Variants in RAP1B observed in about 807,000 individuals in gnomAD.
RAP1B encodes ras-related protein Rap-1b.
Under a neutral mutation model 27.5 loss-of-function variants are expected in RAP1B, and 1 was observed. The observed-to-expected ratio is 0.04, with a 90% confidence interval of 0.01 to 0.17. The LOEUF is 0.17. Ranked by LOEUF, RAP1B falls within the 10% of genes least tolerant of loss-of-function variation. The probability of loss-of-function intolerance (pLI) is 1.00; values close to 1 mark genes in which losing one functional copy is unlikely to be tolerated. For missense variants in RAP1B, 84 were observed against 214.8 expected (o/e 0.39, Z 3.81); for synonymous variants, 75 against 73.1 (o/e 1.03, Z -0.13).
At position 68,665,458 on chromosome 12, in the gene RAP1B, A is replaced by G. The variant is rs1256977796; in HGVS notation, c.*6209A>G. On this transcript the variant is annotated 3_prime_UTR_variant, in exon 8 of 8. Transcript: ENST00000250559. Reference sequence around the variant, plus strand: ...TCGTAAGAATTACTTGGGGTTAAAAATAGTAATAAAAAGGAAAGCCTGGCC... The same window carrying G: ...TCGTAAGAATTACTTGGGGTTAAAAGTAGTAATAAAAAGGAAAGCCTGGCC... 1 of 152,262 alleles carries G rather than the reference A, an allele frequency of 6.6e-6. No homozygotes were observed. The highest frequency in any genetic ancestry group is 6.5e-5 in the Admixed American group (1 of 15,288). The allele number at this position is 152,262 out of a possible 1,614,324, so 9.4% of individuals were successfully genotyped here. A position where few individuals can be genotyped will look rare whatever the true frequency, so the allele number is the denominator to read the frequency against.
chr12:68,668,068 A>G lies in RAP1B; in HGVS notation c.*8819A>G, dbSNP rs1874925358. The G allele has an allele frequency of 6.6e-6, 1 of 152,206 alleles. No homozygotes were observed. The highest frequency in any genetic ancestry group is 2.1e-4 in the South Asian group (1 of 4,834). The allele number at this position is 152,206 out of a possible 1,614,324, so 9.4% of individuals were successfully genotyped here. A position where few individuals can be genotyped will look rare whatever the true frequency, so the allele number is the denominator to read the frequency against. On this transcript the variant is annotated 3_prime_UTR_variant, in exon 8 of 8. Coordinates refer to ENST00000250559, the MANE Select transcript of RAP1B (RefSeq NM_001010942.3). ...CCCCATCCTTCCACTCTGAACCAGTACAGGATATTCTCATGGTCAGGGCAT... is the reference window on the plus strand; with the variant it reads ...CCCCATCCTTCCACTCTGAACCAGTGCAGGATATTCTCATGGTCAGGGCAT...
intron 1 of RAP1B, among the ~76,000 whole-genome samples, chr12:68,615,838 A>G (rs1870950805): frequency 6.6e-6 from 1 of 152,144 alleles, no homozygotes; most frequent in Non-Finnish European, 1.5e-5. Context: ...TTTAAATTTT[A>G]GCTGAATTCT....
chr12:68,644,714 A>G lies in RAP1B; in HGVS notation c.-26-3985A>G, dbSNP rs148017960. ...TTTTTTTTTTTTTTTTTTGAGATGG[A>G]GTCTTGCTGTGTCGCCCAGGCTGGA... On this transcript the variant is annotated intron_variant, in intron 1 of 7. Coordinates refer to ENST00000250559, the MANE Select transcript of RAP1B (RefSeq NM_001010942.3). Among the ~76,000 whole-genome samples the G allele has an allele frequency of 5.9e-4, 53 of 90,130 alleles. 1 individual carries two copies. The East Asian group carries it at 0.012, about 20-fold the overall frequency. 59.1% of individuals were successfully genotyped at this position (90,130 alleles called of 152,430 possible). A position where few individuals can be genotyped will look rare whatever the true frequency, so the allele number is the denominator to read the frequency against.
chr12:68,650,488 G>A lies in RAP1B; in HGVS notation c.126+20G>A, dbSNP rs1315693877. On this transcript the variant is annotated intron_variant, in intron 3 of 7. Transcript: ENST00000250559. Reference sequence around the variant, plus strand: ...AGAAAGGTATATATTACTTTGGAAGGCCTTTTGCTTTTGATTTTAATATAA... The same window carrying A: ...AGAAAGGTATATATTACTTTGGAAGACCTTTTGCTTTTGATTTTAATATAA... 2.7e-6 allele frequency: 4 copies of A among 1,459,342 alleles called. No homozygotes were observed. The highest frequency in any genetic ancestry group is 3.6e-6 in the Non-Finnish European group (4 of 1,095,950). The allele number at this position is 1,459,342 out of a possible 1,614,324, so 90.4% of individuals were successfully genotyped here. A position where few individuals can be genotyped will look rare whatever the true frequency, so the allele number is the denominator to read the frequency against.
chr12:68,658,638 G>A (rs988223971), intron 7 of RAP1B, among the ~76,000 whole-genome samples: 12 of 152,124 alleles, frequency 7.9e-5, no homozygotes, highest in Admixed American at 5.9e-4. Flanking sequence ...TGTGATTTTA[G>A]TGTAATACCA....
intron 1 of RAP1B, among the ~76,000 whole-genome samples, chr12:68,632,247 C>T (rs1370992273): frequency 6.7e-6 from 1 of 150,364 alleles, no homozygotes; most frequent in African/African-American, 2.5e-5. Context: ...AATTCTTGGG[C>T]CTCAGTCTCC....
chr12:68,626,058 T>A (rs1871751741), intron 1 of RAP1B, among the ~76,000 whole-genome samples: 1 of 152,188 alleles, frequency 6.6e-6, no homozygotes, highest in Non-Finnish European at 1.5e-5. Flanking sequence ...TGGAAGACAC[T>A]AATTCTGTTT....
chr12:68,632,919 TCAAG>T lies in RAP1B; in HGVS notation c.-26-15775_-26-15772del, dbSNP rs1258679167. On this transcript the variant is annotated intron_variant, in intron 1 of 7. Transcript: ENST00000250559. ...TCCTGGCCCCAAGCAGTCCTCCCAC[TCAAG>T]CAAGACTGAAGTAACTGGGACTATA... 2.6e-5 allele frequency among the ~76,000 whole-genome samples: 4 copies of T among 152,266 alleles called. No homozygotes were observed. In the South Asian group the frequency reaches 6.2e-4, roughly 24 times the overall value.
At chr12:68,639,626 G>A (rs1428853439) in intron 1 of RAP1B, among the ~76,000 whole-genome samples, 1 of 152,108 alleles carries the variant, frequency 6.6e-6, no homozygotes, top group Non-Finnish European at 1.5e-5. Context: ...CACAGCTGAG[G>A]AAAAGAGGTA....
At chr12:68,612,864 C>A (rs952483609) in intron 1 of RAP1B, among the ~76,000 whole-genome samples, 1 of 152,116 alleles carries the variant, frequency 6.6e-6, no homozygotes, top group Non-Finnish European at 1.5e-5. Context: ...ATGTGTACTA[C>A]GTTAGGTGTT....
At chr12:68,632,555 A>G (rs922311447) in intron 1 of RAP1B, among the ~76,000 whole-genome samples, 2 of 152,304 alleles carry the variant, frequency 1.3e-5, no homozygotes, top group African/African-American at 4.8e-5. Context: ...AAAGGCCAAA[A>G]TGTGGGAAAA....
In RAP1B at chr12:68,661,671, A is replaced by T. The variant is rs1204338606; in HGVS notation, c.*2422A>T. The T allele has an allele frequency of 6.6e-6, 1 of 151,964 alleles. No homozygotes were observed. The highest frequency in any genetic ancestry group is 1.5e-5 in the Non-Finnish European group (1 of 67,992). 9.4% of individuals were successfully genotyped at this position (151,964 alleles called of 1,614,324 possible). On this transcript the variant is annotated 3_prime_UTR_variant, in exon 8 of 8. Coordinates refer to ENST00000250559, the MANE Select transcript of RAP1B (RefSeq NM_001010942.3). ...AGCCCCCAAGTTGTGGCAACCAAAA[A>T]TGTTTCCAGACATTGCCAGATGTTC... is the stretch of plus-strand genomic sequence containing the variant.
chr12:68,657,288 A>G (rs1233770868), intron 7 of RAP1B, 71 bp downstream of exon 7: 3 of 900,636 alleles, frequency 3.3e-6, no homozygotes, highest in Admixed American at 2.5e-5. Context: ...CATGAAAGCA[A>G]GTATAGACTT....
Position 68,616,026 on chromosome 12 carries a change from C to T in RAP1B, c.-27+4983C>T, listed in dbSNP as rs994488117. Reference sequence around the variant, plus strand: ...TCGCCCAGGCTGGAGTGCAGTGGCACGGTCTCCGCTCACTGCAAGCTCCGC... The same window carrying T: ...TCGCCCAGGCTGGAGTGCAGTGGCATGGTCTCCGCTCACTGCAAGCTCCGC... On this transcript the variant is annotated intron_variant, in intron 1 of 7. Transcript: ENST00000250559. Among the ~76,000 whole-genome samples, 9 of 151,830 alleles carry T rather than the reference C, an allele frequency of 5.9e-5. No individual in the cohort carries two copies. In the South Asian group the frequency reaches 1.7e-3, roughly 28 times the overall value.
At chr12:68,627,054 C>G (rs756564762) in intron 1 of RAP1B, 4 of 1,593,702 alleles carry the variant, frequency 2.5e-6, no homozygotes, top group African/African-American at 2.7e-5. Flanking sequence ...GAACTTGGCC[C>G]TGCGCAGGGC....
intron 4 of RAP1B, among the ~76,000 whole-genome samples, chr12:68,652,855 A>G (rs1873913668): frequency 6.6e-6 from 1 of 152,236 alleles, no homozygotes; most frequent in South Asian, 2.1e-4. Flanking sequence ...CTTTTAAAAC[A>G]ATATATTACC....
In RAP1B at chr12:68,638,834, T is replaced by C. The variant is rs1046746743; in HGVS notation, c.-26-9865T>C. Among the ~76,000 whole-genome samples the C allele has an allele frequency of 3.9e-5, 6 of 152,184 alleles. No individual in the cohort carries two copies. The South Asian group carries it at 1.2e-3, about 32-fold the overall frequency. On this transcript the variant is annotated intron_variant, in intron 1 of 7. Transcript: ENST00000250559. Reference sequence around the variant, plus strand: ...CACCACCAAACCCGACTGATTTTTGTATTTTTTAGTATAGACGGGGTTTCA... The same window carrying C: ...CACCACCAAACCCGACTGATTTTTGCATTTTTTAGTATAGACGGGGTTTCA...
rs1870522717 is a variant in RAP1B at position 68,610,999 on chromosome 12, G to C, written c.-71G>C. On this transcript the variant is annotated 5_prime_UTR_variant, in exon 1 of 8. Transcript: ENST00000250559. Reference sequence around the variant, plus strand: ...CGCCTAGAGTAGCGACCCGGGGGGAGCGCGGGGCGACGCTGGCTGCAGGGA... The same window carrying C: ...CGCCTAGAGTAGCGACCCGGGGGGACCGCGGGGCGACGCTGGCTGCAGGGA... The C allele has an allele frequency of 3.1e-6, 1 of 326,416 alleles. No homozygotes were observed. The highest frequency in any genetic ancestry group is 2.2e-5 in the African/African-American group (1 of 45,716). The allele number at this position is 326,416 out of a possible 1,614,324, so 20.2% of individuals were successfully genotyped here.
intron 1 of RAP1B, among the ~76,000 whole-genome samples, chr12:68,630,053 T>G (rs1376998349): frequency 6.6e-6 from 1 of 152,218 alleles, no homozygotes; most frequent in Non-Finnish European, 1.5e-5. Context: ...AGAACTAGAT[T>G]CTTTCCCTTT....
Sources: gnomAD v4.1 joint callset for allele counts (sites outside exome capture counted in the v4.1 genomes callset) on GRCh38, gnomAD v4.1.1 for gene constraint, MANE v1.5 for transcripts, NCBI Gene and HGNC (gene_info 2026-07-23, HGNC 2026-07-21) for gene names.